Variants in EGFLAM observed in about 807,000 individuals in gnomAD.
EGFLAM encodes the protein pikachurin.
EGFLAM carries 79 observed loss-of-function variants against 113.1 expected under a neutral mutation model. That is an observed-to-expected ratio of 0.70 (90% CI 0.58 to 0.84). EGFLAM has a LOEUF of 0.84. Ranked by LOEUF, EGFLAM falls within the 40% of genes least tolerant of loss-of-function variation. EGFLAM has a pLI of 0.00. For synonymous variants in EGFLAM, 504 were observed against 487.6 expected, an observed-to-expected ratio of 1.03 and a Z score of -0.44; for missense variants, 1,265 against 1,291.6, an observed-to-expected ratio of 0.98 and a Z score of 0.32.
rs1742551863 is a variant in EGFLAM, at chr5:38,441,996, G to T, written c.2464+3541G>T. Among the ~76,000 whole-genome samples the T allele has an allele frequency of 2.6e-5, 4 of 152,252 alleles. No homozygotes were observed. In the South Asian group the frequency reaches 6.2e-4, roughly 24 times the overall value. ...GGCCTAGCGCCTGTACTCATCAGGG[G>T]CGCACAGTCCTCAAGTAACCAGTGC... On this transcript the variant is annotated intron_variant, in intron 17 of 21. Transcript: ENST00000322350.
At chr5:38,383,678 T>C (rs1474579728) in intron 6 of EGFLAM, among the ~76,000 whole-genome samples, 1 of 152,166 alleles carries the variant, frequency 6.6e-6, no homozygotes, top group Non-Finnish European at 1.5e-5. Context: ...TATCACATTA[T>C]ATTACATAAA....
chr5:38,282,085 A>C (rs190387816), intron 1 of EGFLAM, among the ~76,000 whole-genome samples: 2 of 152,258 alleles, frequency 1.3e-5, no homozygotes, highest in East Asian at 3.9e-4. Flanking sequence ...CTTTTTGCTG[A>C]TATTTATGGT....
At chr5:38,336,048 C>T (rs949510719) in intron 1 of EGFLAM, among the ~76,000 whole-genome samples, 1 of 152,116 alleles carries the variant, frequency 6.6e-6, no homozygotes, top group Non-Finnish European at 1.5e-5. Flanking sequence ...TGGAGCATTA[C>T]TTAAGATAGC....
intron 1 of EGFLAM, among the ~76,000 whole-genome samples, chr5:38,265,341 T>C (rs560247977): frequency 7.2e-5 from 11 of 152,320 alleles, no homozygotes; most frequent in South Asian, 6.2e-4. Flanking sequence ...ATCCTGTGGC[T>C]ACCTCGTGTT....
intron 17 of EGFLAM, among the ~76,000 whole-genome samples, chr5:38,440,624 T>C (rs1362686546): frequency 6.6e-6 from 1 of 152,188 alleles, no homozygotes; most frequent in Non-Finnish European, 1.5e-5. Context: ...CCATCCTTGG[T>C]TGTCAGAAAG....
At chr5:38,263,118 C>T (rs1039654501) in intron 1 of EGFLAM, among the ~76,000 whole-genome samples, 2 of 152,054 alleles carry the variant, frequency 1.3e-5, no homozygotes, top group Non-Finnish European at 2.9e-5. Flanking sequence ...ATTTATTTGC[C>T]ATCTTTTCTT....
chr5:38,463,077 C>T (rs748770314), intron 21 of EGFLAM, 66 bp downstream of exon 21: 74 of 1,500,116 alleles, frequency 4.9e-5, no homozygotes, highest in Non-Finnish European at 6.3e-5. Flanking sequence ...CTTCCATTTG[C>T]TGTGCCGAGG....
chr5:38,445,443 C>G (rs922596792), intron 17 of EGFLAM: 12 of 1,378,016 alleles, frequency 8.7e-6, no homozygotes, highest in Non-Finnish European at 1.0e-5. Flanking sequence ...TTCAATAAGC[C>G]GAGAAGAGGT....
chr5:38,389,705 G>A (rs1740760983), intron 6 of EGFLAM, among the ~76,000 whole-genome samples: 1 of 151,778 alleles, frequency 6.6e-6, no homozygotes, highest in Middle Eastern at 3.2e-3. Flanking sequence ...TCATATTTTT[G>A]TTTCCATTAT....
At chr5:38,369,200 G>A (rs978644429) in intron 5 of EGFLAM, among the ~76,000 whole-genome samples, 2 of 152,162 alleles carry the variant, frequency 1.3e-5, no homozygotes, top group Non-Finnish European at 2.9e-5. Flanking sequence ...TAAAGGGCAA[G>A]AAGAAAGAAA....
intron 17 of EGFLAM, among the ~76,000 whole-genome samples, chr5:38,447,198 A>G (rs994055794): frequency 2.8e-4 from 42 of 152,214 alleles, no homozygotes; most frequent in African/African-American, 9.9e-4. Context: ...CTATGTGTAA[A>G]AGGGTAATTC....
chr5:38,299,561 G>A (rs573910089), intron 1 of EGFLAM, among the ~76,000 whole-genome samples: 2 of 152,300 alleles, frequency 1.3e-5, no homozygotes, highest in East Asian at 1.9e-4. Flanking sequence ...TTGGTGATGA[G>A]TGAGTTCTTG....
chr5:38,395,505 C>G (rs956778016), intron 6 of EGFLAM, among the ~76,000 whole-genome samples: 2 of 152,136 alleles, frequency 1.3e-5, no homozygotes, highest in Admixed American at 6.5e-5. Flanking sequence ...TCTCCTAGCA[C>G]TTTGTCTTTA....
rs747031429 is a variant in EGFLAM at position 38,458,323 on chromosome 5, C to A, written c.2700C>A (p.Gly900=). The A allele has an allele frequency of 1.2e-6, 2 of 1,613,914 alleles. No individual in the cohort carries two copies. The highest frequency in any genetic ancestry group is 1.1e-5 in the South Asian group (1 of 91,046). ...TCCAATGCCTTAGCTATAACCTGGG[C>A]AGTGGTGTGGCATCCATCATGGTGA... ...DGALVFSYNL[G]SGVASIMVNG... Residue 900 remains glycine, a synonymous_variant, in exon 20 of 22, where the codon GGC becomes GGA. Transcript: ENST00000322350.
intron 1 of EGFLAM, among the ~76,000 whole-genome samples, chr5:38,332,809 C>T (rs1400578821): frequency 2.0e-5 from 3 of 152,202 alleles, no homozygotes; most frequent in South Asian, 4.1e-4. Flanking sequence ...AAGCGGTTTT[C>T]CACCCTGGGT....
chr5:38,304,044 G>A (rs918739186), intron 1 of EGFLAM, among the ~76,000 whole-genome samples: 19 of 151,852 alleles, frequency 1.3e-4, no homozygotes, highest in African/African-American at 4.1e-4. Context: ...CAGGAGAATC[G>A]CTTGAACCTG....
chr5:38,395,548 G>A (rs535827453), intron 6 of EGFLAM, among the ~76,000 whole-genome samples: 2 of 152,218 alleles, frequency 1.3e-5, no homozygotes, highest in South Asian at 4.2e-4. Flanking sequence ...AGTGTCTCTG[G>A]TTTGAACAAC....
intron 6 of EGFLAM, among the ~76,000 whole-genome samples, chr5:38,394,711 C>CTTTCTT (rs1740910798): frequency 8.2e-6 from 1 of 121,724 alleles, no homozygotes; most frequent in Non-Finnish European, 1.6e-5. Context: ...GCCGGGCCCA[C>CTTTCTT]TTTTTTTTTT....
rs189352630 is a variant in EGFLAM, at chr5:38,369,919, G to A, written c.546-377G>A. ...AACAGATTGTGAATAGACGGAATCT[G>A]TGTTCTTCTGACCTCTGGGGATGGG... On this transcript the variant is annotated intron_variant, in intron 5 of 21. Coordinates refer to ENST00000322350, the MANE Select transcript of EGFLAM (RefSeq NM_152403.4). 2.3e-3 allele frequency among the ~76,000 whole-genome samples: 349 copies of A among 152,334 alleles called. 2 individuals carry two copies. The highest frequency in any genetic ancestry group is 3.8e-3 in the Non-Finnish European group (261 of 68,034).
Sources: allele counts gnomAD v4.1 joint callset (sites outside exome capture counted in the v4.1 genomes callset), GRCh38; gene constraint gnomAD v4.1.1; transcripts MANE v1.5; gene names NCBI Gene and HGNC (gene_info 2026-07-23, HGNC 2026-07-21).